Variants in XRN1 observed in about 807,000 individuals in gnomAD.
XRN1 encodes the protein strand-exchange protein 1 homolog.
In XRN1, 67 loss-of-function variants were observed where a neutral mutation model predicts 222.3. That is an observed-to-expected ratio of 0.30 (90% CI 0.25 to 0.37). XRN1 has a LOEUF of 0.37. Among genes scored for constraint, XRN1 ranks in the 10% least tolerant of loss-of-function variants. The probability of loss-of-function intolerance (pLI) is 1.00; values close to 1 mark genes in which losing one functional copy is unlikely to be tolerated. For missense variants in XRN1, 1,707 were observed against 2,000.2 expected, an observed-to-expected ratio of 0.85 and a Z score of 2.80; for synonymous variants, 643 against 652.4, an observed-to-expected ratio of 0.99 and a Z score of 0.22.
At chr3:142,319,879 TATAGG>T (rs796407475) in intron 37 of XRN1, among the ~76,000 whole-genome samples, 2 of 152,066 alleles carry the variant, frequency 1.3e-5, no homozygotes, top group African/African-American at 4.8e-5. Flanking sequence ...ATGGTGTGTG[TATAGG>T]ATAGTAGTAC....
chr3:142,324,095 T>A (rs1048967419), intron 37 of XRN1, among the ~76,000 whole-genome samples: 19 of 151,848 alleles, frequency 1.3e-4, no homozygotes, highest in East Asian at 1.9e-4. Flanking sequence ...GTTTTTTTTT[T>A]ATTATTTTTA....
At chr3:142,419,638 G>T (rs565777487) in intron 10 of XRN1, among the ~76,000 whole-genome samples, 1 of 152,106 alleles carries the variant, frequency 6.6e-6, no homozygotes, top group East Asian at 1.9e-4. Flanking sequence ...GTGAAACCCC[G>T]TCTCTACTAA....
At chr3:142,417,259 A>G (rs774355042) in intron 12 of XRN1, 30 bp from the exon 13 acceptor site, 1 of 1,602,428 alleles carries the variant, frequency 6.2e-7, no homozygotes, top group South Asian at 1.1e-5. Context: ...ATTATAACAT[A>G]TTTTCTGAAG....
At position 142,318,777 on chromosome 3, in the gene XRN1, G is replaced by A. The variant is rs1160539435; in HGVS notation, c.4518+13C>T. Reference sequence around the variant, plus strand: ...ATAAAAATTTTAATAGAGAAGTCATGGACAGTTCTTACCAACTGTTGTAAA... The same window carrying A: ...ATAAAAATTTTAATAGAGAAGTCATAGACAGTTCTTACCAACTGTTGTAAA... On this transcript the variant is annotated intron_variant, in intron 38 of 40. Transcript: ENST00000392981. 1 of 1,612,098 alleles carries A rather than the reference G, an allele frequency of 6.2e-7. No individual in the cohort carries two copies. Among genetic ancestry groups the A allele is most frequent in the Non-Finnish European group, 8.5e-7 (1 of 1,178,328 alleles).
rs1055766708 is a variant in XRN1 at position 142,387,960 on chromosome 3, C to G, written c.2340-3275G>C. On this transcript the variant is annotated intron_variant, in intron 20 of 40. Transcript: ENST00000392981. ...CTTTGTCTTCTGCTATGAGTGGAAG[C>G]TTCCTAAGGCCCTTACCAGAAACAT... 2.0e-5 allele frequency among the ~76,000 whole-genome samples: 3 copies of G among 152,178 alleles called. No homozygotes were observed. In the East Asian group the frequency reaches 5.8e-4, roughly 29 times the overall value.
At chr3:142,351,042 T>C (rs1284903349) in intron 32 of XRN1, among the ~76,000 whole-genome samples, 2 of 152,170 alleles carry the variant, frequency 1.3e-5, no homozygotes, top group African/African-American at 4.8e-5. Flanking sequence ...CTTTTGTAGG[T>C]ATATATGTTT....
At chr3:142,365,498 C>A in intron 27 of XRN1, 132 bp from the exon 28 acceptor site, 1 of 570,668 alleles carries the variant, frequency 1.8e-6, no homozygotes, top group South Asian at 5.5e-5. Flanking sequence ...ATTTAAAGTT[C>A]TGCAGCTGCA....
At chr3:142,324,034 AATTCCACTCTTTTGGTTATTTT>A (rs1275343322) in intron 37 of XRN1, among the ~76,000 whole-genome samples, 1 of 151,766 alleles carries the variant, frequency 6.6e-6, no homozygotes, top group African/African-American at 2.4e-5. Flanking sequence ...GGAACATTTC[AATTCCACTCTTTTGGTTATTTT>A]AAAATATATA....
At chr3:142,426,214 G>C (rs914579650) in intron 3 of XRN1, among the ~76,000 whole-genome samples, 2 of 152,142 alleles carry the variant, frequency 1.3e-5, no homozygotes, top group African/African-American at 4.8e-5. Flanking sequence ...TATGATGTTA[G>C]ACAAAGGTTG....
At chr3:142,423,025 A>C in intron 6 of XRN1, 103 bp from the exon 7 acceptor site, 1 of 907,556 alleles carries the variant, frequency 1.1e-6, no homozygotes, top group South Asian at 1.7e-5. Flanking sequence ...GAAGATAGTA[A>C]GGTCTTGTAA....
At chr3:142,328,575 G>A (rs1047093605) in intron 37 of XRN1, among the ~76,000 whole-genome samples, 10 of 150,668 alleles carry the variant, frequency 6.6e-5, no homozygotes, top group Non-Finnish European at 1.5e-5. Flanking sequence ...CCTTGAGAAT[G>A]TTCCATTTGT....
chr3:142,412,468 CA>C, intron 15 of XRN1, 75 bp downstream of exon 15: 1 of 1,416,004 alleles, frequency 7.1e-7, no homozygotes, highest in East Asian at 2.5e-5. Flanking sequence ...GATTAAAACC[CA>C]TTGCTCATTA....
In XRN1 at chr3:142,421,974, G is replaced by GA. The variant is rs199950686; in HGVS notation, c.968-432dup. 7.5e-3 allele frequency among the ~76,000 whole-genome samples: 1,137 copies of GA among 152,086 alleles called. 22 individuals are homozygous for GA. Among genetic ancestry groups the GA allele is most frequent in the African/African-American group, 0.026 (1,089 of 41,484 alleles). ...TAAACACTGTGATGCATATCCATTC[G>GA]AAAAAAATTGAATTTCTATGCTTAA... On this transcript the variant is annotated intron_variant, in intron 8 of 40. Coordinates refer to ENST00000392981, the MANE Select transcript of XRN1 (RefSeq NM_001282857.2).
Position 142,412,680 on chromosome 3 carries a change from T to C in XRN1, c.1594-17A>G. On this transcript the variant is annotated splice_polypyrimidine_tract_variant and intron_variant, in intron 14 of 40. Transcript: ENST00000392981. ...CATCAAATGCTGTGAAAATATGAAA[T>C]AGTATAATAGAAATATAAGAACTAA... is the stretch of plus-strand genomic sequence containing the variant. The C allele has an allele frequency of 6.7e-7, 1 of 1,500,364 alleles. No homozygotes were observed. Among genetic ancestry groups the C allele is most frequent in the Non-Finnish European group, 9.1e-7 (1 of 1,103,464 alleles). The allele number at this position is 1,500,364 out of a possible 1,614,324, so 92.9% of individuals were successfully genotyped here. A position where few individuals can be genotyped will look rare whatever the true frequency, so the allele number is the denominator to read the frequency against.
chr3:142,411,486 C>T (rs1420600127), intron 15 of XRN1, among the ~76,000 whole-genome samples: 1 of 151,848 alleles, frequency 6.6e-6, no homozygotes, highest in African/African-American at 2.4e-5. Flanking sequence ...CTTTTAAGCC[C>T]TGCTTTAGTC....
chr3:142,314,739 A>G (rs2065160838), intron 39 of XRN1, among the ~76,000 whole-genome samples: 1 of 151,486 alleles, frequency 6.6e-6, no homozygotes, highest in Non-Finnish European at 1.5e-5. Flanking sequence ...CCCTGTCTCT[A>G]TAAAAAGATA....
At position 142,423,562 on chromosome 3, in the gene XRN1, TTG is replaced by T; in HGVS notation, c.706_707del (p.Gln236ThrfsTer23). On this transcript the variant is annotated frameshift_variant, in exon 6 of 41. Coordinates refer to ENST00000392981, the MANE Select transcript of XRN1 (RefSeq NM_001282857.2). LOFTEE classifies it high-confidence loss of function. The part of the protein sequence containing the change: ...EEVRFGGKKT[Q>X]RVCAPEETTF... The stretch of plus-strand genomic sequence containing the variant: ...AACATATATGCTATATAATTTACCG[TTG>T]TGTTTTTTTGCCACCAAATCGAACT... 1 of 1,599,992 alleles carries T rather than the reference TTG, an allele frequency of 6.3e-7. No individual in the cohort carries two copies. The highest frequency in any genetic ancestry group is 8.5e-7 in the Non-Finnish European group (1 of 1,175,326).
In XRN1 at chr3:142,403,971, T is replaced by C. The variant is rs1365551631; in HGVS notation, c.1902A>G (p.Leu634=). 1.3e-6 allele frequency: 2 copies of C among 1,582,224 alleles called. No homozygotes were observed. The highest frequency in any genetic ancestry group is 8.7e-7 in the Non-Finnish European group (1 of 1,152,186). Residue 634 remains leucine (L), a synonymous_variant, in exon 17 of 41, where the codon TTA becomes TTG. Coordinates refer to ENST00000392981, the MANE Select transcript of XRN1 (RefSeq NM_001282857.2). The part of the protein sequence containing the change: ...RCCTRYKIIS[L]DAWRVDINKN... Reference sequence around the variant, plus strand: ...TGTTTATGTCTACACGCCAAGCATCTAAGGATATTATTTTATACCTAGAAA... The same window carrying C: ...TGTTTATGTCTACACGCCAAGCATCCAAGGATATTATTTTATACCTAGAAA...
intron 35 of XRN1, 127 bp from the exon 36 acceptor site, chr3:142,332,661 TC>T: frequency 2.2e-6 from 2 of 922,006 alleles, no homozygotes; most frequent in Non-Finnish European, 3.1e-6. Context: ...TTAACTACAT[TC>T]AGATAGAAAC....
Sources: gnomAD v4.1 joint callset for allele counts (sites outside exome capture counted in the v4.1 genomes callset) on GRCh38, gnomAD v4.1.1 for gene constraint, MANE v1.5 for transcripts, NCBI Gene and HGNC (gene_info 2026-07-23, HGNC 2026-07-21) for gene names.